Variants in ZNF385D observed in about 807,000 individuals in gnomAD.
The protein encoded by ZNF385D is zinc finger protein 659.
Under a neutral mutation model 35.8 loss-of-function variants are expected in ZNF385D, and 15 were observed. The ratio of observed to expected loss-of-function variants is 0.42; its 90% CI spans 0.28 to 0.64. ZNF385D has a LOEUF of 0.64. Among genes scored for constraint, ZNF385D ranks in the 30% least tolerant of loss-of-function variants. The pLI, the probability that ZNF385D is intolerant of heterozygous loss-of-function variation, is 0.23. For synonymous variants in ZNF385D, 212 were observed against 186.8 expected (o/e 1.13, Z -1.10); for missense variants, 474 against 494.6 (o/e 0.96, Z 0.39).
chr3:22,249,373 G>A (rs958256688), intron 2 of ZNF385D, among the ~76,000 whole-genome samples: 1 of 152,054 alleles, frequency 6.6e-6, no homozygotes, highest in Non-Finnish European at 1.5e-5. Flanking sequence ...TTTGTTACAC[G>A]GTTCATCAGA....
At chr3:21,930,382 T>C (rs1475822986) in intron 3 of ZNF385D, among the ~76,000 whole-genome samples, 1 of 150,624 alleles carries the variant, frequency 6.6e-6, no homozygotes, top group Non-Finnish European at 1.5e-5. Context: ...AATTAGGCAA[T>C]TGCTACTCAG....
At chr3:22,182,286 A>C (rs1421099024) in intron 2 of ZNF385D, among the ~76,000 whole-genome samples, 1 of 150,238 alleles carries the variant, frequency 6.7e-6, no homozygotes, top group African/African-American at 2.5e-5. Flanking sequence ...AAATGTCTTA[A>C]AACAAATTAC....
intron 3 of ZNF385D, among the ~76,000 whole-genome samples, chr3:21,782,268 A>G (rs2071520472): frequency 6.6e-6 from 1 of 152,138 alleles, no homozygotes; most frequent in Non-Finnish European, 1.5e-5. Context: ...AGTGGAGGTC[A>G]CAATGTGAGC....
intron 4 of ZNF385D, among the ~76,000 whole-genome samples, chr3:21,496,800 G>A (rs979786893): frequency 1.3e-5 from 2 of 151,674 alleles, no homozygotes; most frequent in Non-Finnish European, 2.9e-5. Context: ...AGACAAAACT[G>A]CATGATTATT....
At chr3:22,166,703 G>A (rs1019877903) in intron 3 of ZNF385D, among the ~76,000 whole-genome samples, 9 of 152,150 alleles carry the variant, frequency 5.9e-5, no homozygotes, top group African/African-American at 2.2e-4. Context: ...ACCTACTATC[G>A]TGGTTTGAAA....
At chr3:22,214,822 C>T (rs1326753077) in intron 2 of ZNF385D, among the ~76,000 whole-genome samples, 2 of 152,040 alleles carry the variant, frequency 1.3e-5, no homozygotes, top group Non-Finnish European at 2.9e-5. Flanking sequence ...TAATTTTGCC[C>T]TGGTCCTGTG....
intron 4 of ZNF385D, among the ~76,000 whole-genome samples, chr3:21,502,288 G>C (rs1169804876): frequency 6.6e-6 from 1 of 152,088 alleles, no homozygotes; most frequent in African/African-American, 2.4e-5. Flanking sequence ...CTATTCTTTC[G>C]AGGGTCCATT....
chr3:21,418,764 T>C lies in ZNF385D; in HGVS notation c.*2450A>G, dbSNP rs1406171876. ...CTGCTTTAATTAACACTAAGTTATC[T>C]AACAGAAAGTGAGGCTGTATCAGTT... On this transcript the variant is annotated 3_prime_UTR_variant, in exon 8 of 8. Transcript: ENST00000281523. 1.3e-5 allele frequency: 2 copies of C among 152,190 alleles called. No homozygotes were observed. The highest frequency in any genetic ancestry group is 2.9e-5 in the Non-Finnish European group (2 of 68,022). The allele number at this position is 152,190 out of a possible 1,614,324, so 9.4% of individuals were successfully genotyped here.
intron 3 of ZNF385D, among the ~76,000 whole-genome samples, chr3:21,868,550 C>G (rs1441570916): frequency 6.6e-6 from 1 of 152,048 alleles, no homozygotes; most frequent in Non-Finnish European, 1.5e-5. Flanking sequence ...CATTTTCTTC[C>G]TCGTCATCTA....
At position 21,874,067 on chromosome 3, in the gene ZNF385D, A is replaced by G. The variant is rs1050589803; in HGVS notation, c.326-209039T>C. On this transcript the variant is annotated intron_variant, in intron 3 of 5. Coordinates refer to the ZNF385D transcript ENST00000494108. The stretch of plus-strand genomic sequence containing the variant: ...TTTTAACTATTTTGGTGAAACCTCT[A>G]TACTATTTTTGACAGAAGATGCACC... Among the ~76,000 whole-genome samples the G allele has an allele frequency of 5.9e-5, 9 of 151,912 alleles. 1 individual carries two copies. The South Asian group carries it at 1.2e-3, about 21-fold the overall frequency.
At chr3:21,908,022 T>G (rs62236547) in intron 3 of ZNF385D, among the ~76,000 whole-genome samples, 1,769 of 152,178 alleles carry the variant, frequency 0.012, 21 homozygotes, top group Non-Finnish European at 0.018. Flanking sequence ...GATACCATAT[T>G]CAACATGAAG....
chr3:22,367,681 C>A (rs1334328308), intron 2 of ZNF385D, among the ~76,000 whole-genome samples: 3 of 151,860 alleles, frequency 2.0e-5, no homozygotes, highest in Non-Finnish European at 2.9e-5. Flanking sequence ...ACATTTCATT[C>A]TTTTTTTCTT....
chr3:22,047,972 T>G (rs1699107574), intron 3 of ZNF385D, among the ~76,000 whole-genome samples: 1 of 152,220 alleles, frequency 6.6e-6, no homozygotes, highest in South Asian at 2.1e-4. Flanking sequence ...CATTGTGGAT[T>G]TAATTTGCAT....
At position 21,551,632 on chromosome 3, in the gene ZNF385D, A is replaced by G. The variant is rs573585210; in HGVS notation, c.276+12942T>C. ...ACTAATTTGCCTAGGTCACATGGTA[A>G]TTTATGCTTATTTTAAGATGCTGAT... On this transcript the variant is annotated intron_variant, in intron 3 of 7. Transcript: ENST00000281523. 1.9e-4 allele frequency among the ~76,000 whole-genome samples: 29 copies of G among 152,250 alleles called. No homozygotes were observed. The Middle Eastern group carries it at 0.014, about 71-fold the overall frequency.
intron 3 of ZNF385D, among the ~76,000 whole-genome samples, chr3:21,899,538 T>C (rs1344610075): frequency 1.3e-5 from 2 of 152,120 alleles, no homozygotes; most frequent in East Asian, 1.9e-4. Flanking sequence ...GTGACAATTA[T>C]GCAGTTGCTC....
At chr3:21,621,554 C>CGT (rs58332425) in intron 2 of ZNF385D, among the ~76,000 whole-genome samples, 1,474 of 136,960 alleles carry the variant, frequency 0.011, 15 homozygotes, top group African/African-American at 0.019. Flanking sequence ...AAAAAATTCC[C>CGT]GTGTGTGTGT....
intron 3 of ZNF385D, among the ~76,000 whole-genome samples, chr3:21,791,027 A>G (rs2071906132): frequency 1.3e-5 from 2 of 152,254 alleles, no homozygotes; most frequent in Non-Finnish European, 2.9e-5. Flanking sequence ...CCAAGCAGGC[A>G]TAGCGCCATT....
chr3:21,478,765 A>C (rs2125369084), intron 4 of ZNF385D, among the ~76,000 whole-genome samples: 1 of 152,250 alleles, frequency 6.6e-6, no homozygotes, highest in South Asian at 2.1e-4. Context: ...CTTTTATTCA[A>C]GTTTATGACT....
At chr3:21,701,336 C>T (rs917246842) in intron 1 of ZNF385D, among the ~76,000 whole-genome samples, 1 of 151,982 alleles carries the variant, frequency 6.6e-6, no homozygotes, top group South Asian at 2.1e-4. Flanking sequence ...AAAGAGGAAA[C>T]CCCTGATAAA....
Sources: allele counts gnomAD v4.1 joint callset (sites outside exome capture counted in the v4.1 genomes callset), GRCh38; gene constraint gnomAD v4.1.1; transcripts MANE v1.5; gene names NCBI Gene and HGNC (gene_info 2026-07-23, HGNC 2026-07-21).